The following LRRC63 variants were observed in gnomAD, a reference collection of about 807,000 sequenced individuals.
The protein encoded by LRRC63 is leucine rich repeat containing 63, also known as leucine-rich repeat-containing protein 63.
LRRC63 carries 40 observed loss-of-function variants against 49.5 expected under a neutral mutation model. The ratio of observed to expected loss-of-function variants is 0.81; its 90% CI spans 0.63 to 1.05. LRRC63 has a LOEUF of 1.05. LRRC63 is among the 50% of genes least tolerant of loss of function. LRRC63 has a pLI of 0.00. For missense variants in LRRC63, 636 were observed against 663.1 expected, an observed-to-expected ratio of 0.96 and a Z score of 0.45; for synonymous variants, 191 against 221.1, an observed-to-expected ratio of 0.86 and a Z score of 1.21.
At chr13:46,214,577 C>T (rs1313232110) in intron 2 of LRRC63, among the ~76,000 whole-genome samples, 2 of 151,798 alleles carry the variant, frequency 1.3e-5, no homozygotes, top group Non-Finnish European at 2.9e-5. Context: ...GCAGAGCTCT[C>T]TTGCTCCAAA....
chr13:46,244,982 A>G (rs2047173901), intron 5 of LRRC63, among the ~76,000 whole-genome samples: 1 of 152,234 alleles, frequency 6.6e-6, no homozygotes, highest in African/African-American at 2.4e-5. Flanking sequence ...ACTTAAATAA[A>G]GATACTGATG....
chr13:46,228,420 C>G (rs781424958), intron 3 of LRRC63, among the ~76,000 whole-genome samples: 1 of 152,070 alleles, frequency 6.6e-6, no homozygotes, highest in Non-Finnish European at 1.5e-5. Context: ...TAATGGGAAC[C>G]AACAAGGGAA....
intron 2 of LRRC63, among the ~76,000 whole-genome samples, chr13:46,214,418 A>G (rs1326949626): frequency 6.6e-6 from 1 of 152,186 alleles, no homozygotes; most frequent in Non-Finnish European, 1.5e-5. Flanking sequence ...GTAATAATAC[A>G]GTATGCAGAT....
chr13:46,270,884 A>G (rs957421244), intron 9 of LRRC63, among the ~76,000 whole-genome samples: 1 of 152,260 alleles, frequency 6.6e-6, no homozygotes, highest in African/African-American at 2.4e-5. Flanking sequence ...GCATGCAAGG[A>G]ATGTTTTTCT....
At chr13:46,270,556 A>G (rs1320425527) in intron 9 of LRRC63, 4 of 842,198 alleles carry the variant, frequency 4.7e-6, no homozygotes, top group South Asian at 1.3e-5. Context: ...CAGAAGGGTT[A>G]CTGACACAAA....
In LRRC63 at chr13:46,242,638, A is replaced by G. The variant is rs1307361348; in HGVS notation, c.991-3889A>G. Among the ~76,000 whole-genome samples, 4 of 152,266 alleles carry G rather than the reference A, an allele frequency of 2.6e-5. No individual in the cohort carries two copies. In the East Asian group the frequency reaches 7.7e-4, roughly 29 times the overall value. On this transcript the variant is annotated intron_variant, in intron 5 of 9. Transcript: ENST00000595396. ...GTACATCATAATCAAATTAGCAAAA[A>G]TCAAAGAGAAAGAATATTTGAAGCA...
At chr13:46,244,584 A>G (rs1207336934) in intron 5 of LRRC63, among the ~76,000 whole-genome samples, 2 of 152,194 alleles carry the variant, frequency 1.3e-5, no homozygotes, top group African/African-American at 2.4e-5. Flanking sequence ...AGCCTAGGCA[A>G]CATGGCAAGA....
At chr13:46,237,833 A>G (rs1295591264) in intron 5 of LRRC63, among the ~76,000 whole-genome samples, 1 of 152,186 alleles carries the variant, frequency 6.6e-6, no homozygotes, top group Non-Finnish European at 1.5e-5. Context: ...CCAATGAATT[A>G]TATAACCTAG....
chr13:46,238,950 T>C (rs2046979962), intron 5 of LRRC63, among the ~76,000 whole-genome samples: 1 of 152,188 alleles, frequency 6.6e-6, no homozygotes, highest in African/African-American at 2.4e-5. Flanking sequence ...AGAATAAAAA[T>C]GCAACATATT....
chr13:46,276,994 G>A (rs547866553), exon 10 of LRRC63: 1 of 153,202 alleles, frequency 6.5e-6, no homozygotes, highest in East Asian at 1.9e-4. Context: ...CTTCTCATAC[G>A]AATTATCTTT....
Position 46,227,931 on chromosome 13 carries a change from C to T in LRRC63, c.505C>T (p.Gln169Ter). 1 of 1,550,606 alleles carries T rather than the reference C, an allele frequency of 6.4e-7. No homozygotes were observed. The highest frequency in any genetic ancestry group is 8.7e-7 in the Non-Finnish European group (1 of 1,146,984). ...AAGTACTCCTGGCTCAGTTATCGCTCAAAAACTTGAGAAAATGCACCCTAA... is the reference window on the plus strand; with the variant it reads ...AAGTACTCCTGGCTCAGTTATCGCTTAAAAACTTGAGAAAATGCACCCTAA... Residue 169 changes from glutamine (Q) to a stop codon, truncating the protein, a stop_gained, in exon 3 of 10, where the codon CAA (glutamine) becomes TAA (stop). Transcript: ENST00000595396. LOFTEE classifies it high-confidence loss of function.
At chr13:46,256,496 T>A (rs2047513192) in intron 7 of LRRC63, among the ~76,000 whole-genome samples, 1 of 152,224 alleles carries the variant, frequency 6.6e-6, no homozygotes, top group Non-Finnish European at 1.5e-5. Flanking sequence ...TTCCCAGGCC[T>A]TGAAACCAGA....
chr13:46,229,485 G>T (rs111481960), intron 4 of LRRC63, among the ~76,000 whole-genome samples: 1 of 152,212 alleles, frequency 6.6e-6, no homozygotes, highest in Non-Finnish European at 1.5e-5. Context: ...GGTGTTTGTG[G>T]TGTGGGAGAA....
At chr13:46,234,854 G>A (rs2046862205) in intron 5 of LRRC63, among the ~76,000 whole-genome samples, 2 of 152,124 alleles carry the variant, frequency 1.3e-5, no homozygotes, top group Admixed American at 6.5e-5. Flanking sequence ...CACACAGTAA[G>A]CAAGTTGTAG....
intron 9 of LRRC63, among the ~76,000 whole-genome samples, chr13:46,271,976 A>T (rs1173881814): frequency 1.3e-5 from 2 of 152,118 alleles, no homozygotes; most frequent in African/African-American, 4.8e-5. Context: ...ACTAATAATA[A>T]AATGAGATAA....
chr13:46,270,734 C>T (rs370115748), intron 9 of LRRC63: 33 of 534,476 alleles, frequency 6.2e-5, no homozygotes, highest in African/African-American at 2.9e-4. Context: ...AGCCATAGGC[C>T]GAGGAGGCCT....
intron 4 of LRRC63, among the ~76,000 whole-genome samples, chr13:46,230,059 TC>T (rs2138416801): frequency 6.6e-6 from 1 of 152,158 alleles, no homozygotes; most frequent in East Asian, 1.9e-4. Flanking sequence ...AGGGATCTAC[TC>T]CCATGAACCA....
At chr13:46,240,443 A>C (rs2047029565) in intron 5 of LRRC63, among the ~76,000 whole-genome samples, 1 of 152,006 alleles carries the variant, frequency 6.6e-6, no homozygotes, top group African/African-American at 2.4e-5. Flanking sequence ...GCCCTCTCTC[A>C]ACACTCCTAT....
chr13:46,233,978 G>A (rs1318151606), intron 4 of LRRC63, among the ~76,000 whole-genome samples: 1 of 152,180 alleles, frequency 6.6e-6, no homozygotes, highest in Non-Finnish European at 1.5e-5. Context: ...AGATAATGGT[G>A]CATTTAAAAT....
Sources: allele counts gnomAD v4.1 joint callset (sites outside exome capture counted in the v4.1 genomes callset), GRCh38; gene constraint gnomAD v4.1.1; transcripts MANE v1.5; gene names NCBI Gene and HGNC (gene_info 2026-07-23, HGNC 2026-07-21).